MMEL1: variants seen among roughly 807,000 people sequenced by gnomAD.
MMEL1 encodes the protein membrane metallo-endopeptidase-like 1.
MMEL1 carries 98 observed loss-of-function variants against 117.1 expected under a neutral mutation model. The observed-to-expected ratio is 0.84, with a 90% CI of 0.71 to 0.99. The LOEUF (loss-of-function observed/expected upper bound fraction) is 0.99, where lower values mean the gene tolerates loss of function less well. Ranked by LOEUF, MMEL1 falls within the 50% of genes least tolerant of loss-of-function variation. The pLI is 0.00. For synonymous variants in MMEL1, 390 were observed against 415.1 expected (o/e 0.94, Z 0.74); for missense variants, 1,014 against 1,049.1 (o/e 0.97, Z 0.46).
At chr1:2,598,518 T>C (rs921179191) in intron 12 of MMEL1, 136 bp downstream of exon 12, 30 of 1,424,856 alleles carry the variant, frequency 2.1e-5, no homozygotes, top group Non-Finnish European at 2.7e-5. Context: ...CCACTAAAGC[T>C]TAACCCCTCA....
At chr1:2,594,967 G>T in intron 16 of MMEL1, 74 bp from the exon 17 acceptor site, 2 of 1,290,520 alleles carry the variant, frequency 1.5e-6, no homozygotes, top group Non-Finnish European at 2.2e-6. Flanking sequence ...GGTCCTGGGT[G>T]GTTGGGGAAG....
At position 2,591,798 on chromosome 1, in the gene MMEL1, C is replaced by T. The variant is rs1644719096; in HGVS notation, c.2163+134G>A. 3 of 1,082,228 alleles carry T rather than the reference C, an allele frequency of 2.8e-6. No homozygotes were observed. The East Asian group carries it at 7.1e-5, about 26-fold the overall frequency. 67.0% of individuals were successfully genotyped at this position (1,082,228 alleles called of 1,614,324 possible). On this transcript the variant is annotated intron_variant, in intron 22 of 23. Coordinates refer to ENST00000378412, the MANE Select transcript of MMEL1 (RefSeq NM_033467.4). ...GCATTGAAATCCTGTCCAGCTCCCG[C>T]CCCCTGCCCCTCATGCTTTTCCCCC...
chr1:2,607,076 A>C lies in MMEL1; in HGVS notation c.536-7T>G. On this transcript the variant is annotated splice_region_variant and splice_polypyrimidine_tract_variant and intron_variant, in intron 6 of 23. Transcript: ENST00000378412. ...CCTCGCTTCTCTATCACACCTGAGA[A>C]GGGACGCAGTGGTCACTCTCCCAGC... 1.2e-6 allele frequency: 2 copies of C among 1,610,748 alleles called. No homozygotes were observed. The highest frequency in any genetic ancestry group is 1.7e-6 in the Non-Finnish European group (2 of 1,178,400).
intron 2 of MMEL1, among the ~76,000 whole-genome samples, chr1:2,626,318 C>T (rs1027434031): frequency 1.8e-4 from 27 of 152,160 alleles, no homozygotes; most frequent in Non-Finnish European, 3.7e-4. Flanking sequence ...TCTGATAATG[C>T]CTCCTCATGA....
At chr1:2,602,917 G>A (rs937429917) in intron 11 of MMEL1, among the ~76,000 whole-genome samples, 14 of 152,048 alleles carry the variant, frequency 9.2e-5, no homozygotes, top group Non-Finnish European at 1.6e-4. Flanking sequence ...AGGTCACTCC[G>A]CTTTTCTGTC....
chr1:2,593,262 C>T (rs1347019977), intron 19 of MMEL1, among the ~76,000 whole-genome samples: 2 of 152,200 alleles, frequency 1.3e-5, no homozygotes, highest in Non-Finnish European at 2.9e-5. Flanking sequence ...TTTAAGGGCT[C>T]CTCCTGGGAT....
At position 2,595,962 on chromosome 1, in the gene MMEL1, G is replaced by A. The variant is rs370742972; in HGVS notation, c.1500+47C>T. 7.4e-5 allele frequency: 113 copies of A among 1,522,836 alleles called. 2 individuals carry two copies. The highest frequency in any genetic ancestry group is 3.3e-4 in the African/African-American group (24 of 73,184). The allele number at this position is 1,522,836 out of a possible 1,614,324, so 94.3% of individuals were successfully genotyped here. A position where few individuals can be genotyped will look rare whatever the true frequency, so the allele number is the denominator to read the frequency against. ...AGGCTTTGTCGGGGCGGTGCTGCCC[G>A]TGCCCAGATCCAGTCGGGGCTGCCC... is the stretch of plus-strand genomic sequence containing the variant. On this transcript the variant is annotated intron_variant, in intron 15 of 23. Coordinates refer to ENST00000378412, the MANE Select transcript of MMEL1 (RefSeq NM_033467.4). The surrounding 1 kb of genome is among the most constrained non-coding windows in gnomAD (Gnocchi z 4.8).
chr1:2,609,725 G>A lies in MMEL1; in HGVS notation c.399C>T (p.Asn133=). 2 of 1,613,798 alleles carry A rather than the reference G, an allele frequency of 1.2e-6. No individual in the cohort carries two copies. Among genetic ancestry groups the A allele is most frequent in the Non-Finnish European group, 1.7e-6 (2 of 1,180,000 alleles). ...GGACGTCAAAGATGCTGTATCTTGAGTTGGTCTCAGGGATCACGTGGCGCC... is the reference window on the plus strand; with the variant it reads ...GGACGTCAAAGATGCTGTATCTTGAATTGGTCTCAGGGATCACGTGGCGCC... ...WLRRHVIPET[N]SRYSIFDVLR... The change falls in exon 5 of 24, where the codon AAC becomes AAT. Residue 133 remains asparagine (N), a synonymous_variant. Transcript: ENST00000378412.
chr1:2,593,045 C>A, intron 19 of MMEL1, 79 bp from the exon 20 acceptor site: 1 of 1,545,556 alleles, frequency 6.5e-7, no homozygotes. Context: ...CTGTGCCTGG[C>A]CGCTCCTGCC....
rs950424455 is a variant in MMEL1 at position 2,590,855 on chromosome 1, C to T, written c.*135G>A. 1.6e-5 allele frequency: 10 copies of T among 631,516 alleles called. No homozygotes were observed. The highest frequency in any genetic ancestry group is 3.5e-5 in the South Asian group (1 of 28,648). 39.1% of individuals were successfully genotyped at this position (631,516 alleles called of 1,614,324 possible). On this transcript the variant is annotated 3_prime_UTR_variant, in exon 24 of 24. Coordinates refer to ENST00000378412, the MANE Select transcript of MMEL1 (RefSeq NM_033467.4). ...GCAGGTGGCTGCACCCTAGGCCAGG[C>T]GCAGAGGCCTGGCAGGCAGGCTTGG...
rs532444987 is a variant in MMEL1, at chr1:2,632,935, T to C, written c.-107A>G. ...GAGACTGGGTCCCAGTGGGTTGGAG[T>C]TGGGGTGAGCTGGGCCAAGTGGGTG... On this transcript the variant is annotated 5_prime_UTR_variant, in exon 1 of 24. Transcript: ENST00000378412. 2.0e-6 allele frequency: 2 copies of C among 985,068 alleles called. No individual in the cohort carries two copies. Among genetic ancestry groups the C allele is most frequent in the African/African-American group, 1.8e-5 (1 of 57,000 alleles). 61.0% of individuals were successfully genotyped at this position (985,068 alleles called of 1,614,324 possible).
chr1:2,606,622 C>T (rs139366731), intron 7 of MMEL1, among the ~76,000 whole-genome samples: 6 of 152,284 alleles, frequency 3.9e-5, no homozygotes, highest in African/African-American at 1.4e-4. Flanking sequence ...TGAGGTGCCA[C>T]TCCTGCCCCC....
intron 2 of MMEL1, among the ~76,000 whole-genome samples, chr1:2,616,439 C>T (rs538089665): frequency 1.1e-4 from 16 of 151,296 alleles, no homozygotes; most frequent in Non-Finnish European, 2.1e-4. Context: ...AGAATGAAGG[C>T]CAGAAGATGA....
chr1:2,609,635 G>C (rs376926234), intron 5 of MMEL1, 35 bp downstream of exon 5: 1 of 1,587,054 alleles, frequency 6.3e-7, no homozygotes, highest in Non-Finnish European at 8.6e-7. Context: ...CCTGTTCGGC[G>C]TCACCCCACT....
chr1:2,595,216 G>A lies in MMEL1; in HGVS notation c.1584+60C>T. ...GAGCTTGGCACAGAGGAGCCCCCAG[G>A]CAATCAGGGCCCATGTCCACGGTGT... is the stretch of plus-strand genomic sequence containing the variant. On this transcript the variant is annotated intron_variant, in intron 16 of 23. Coordinates refer to ENST00000378412, the MANE Select transcript of MMEL1 (RefSeq NM_033467.4). This position sits in a 1 kb window ranked among gnomAD's most constrained non-coding sequence, Gnocchi z 4.8. The A allele has an allele frequency of 3.4e-6, 5 of 1,470,894 alleles. No homozygotes were observed. The highest frequency in any genetic ancestry group is 4.7e-6 in the Non-Finnish European group (5 of 1,058,088). The allele number at this position is 1,470,894 out of a possible 1,614,324, so 91.1% of individuals were successfully genotyped here. A position where few individuals can be genotyped will look rare whatever the true frequency, so the allele number is the denominator to read the frequency against.
Position 2,594,862 on chromosome 1 carries a change from T to G in MMEL1, c.1616A>C (p.Asn539Thr). ...LNFSEDLYFE[N>T]SLQNLKVGAQ... ...GCCCACCTTGAGGTTCTGCAGACTG[T>G]TCTCAAAGTACAGGTCCTCTGAGAA... The change falls in exon 17 of 24, where the codon AAC becomes ACC. Residue 539 changes from asparagine to threonine, a missense_variant. Coordinates refer to ENST00000378412, the MANE Select transcript of MMEL1 (RefSeq NM_033467.4). The G allele has an allele frequency of 6.2e-7, 1 of 1,613,924 alleles. No homozygotes were observed. The highest frequency in any genetic ancestry group is 2.2e-5 in the East Asian group (1 of 44,884).
At chr1:2,615,121 T>C (rs575272119) in intron 2 of MMEL1, among the ~76,000 whole-genome samples, 1 of 152,266 alleles carries the variant, frequency 6.6e-6, no homozygotes, top group Admixed American at 6.5e-5. Context: ...TGCCAAATAC[T>C]TTAGGTAGAT....
chr1:2,616,065 G>A (rs1271966832), intron 2 of MMEL1, among the ~76,000 whole-genome samples: 2 of 152,198 alleles, frequency 1.3e-5, no homozygotes, highest in Non-Finnish European at 2.9e-5. Flanking sequence ...GGCTGGGCAT[G>A]GTGGCTCATG....
intron 8 of MMEL1, 56 bp from the exon 9 acceptor site, chr1:2,605,679 G>C: frequency 6.0e-6 from 8 of 1,338,796 alleles, no homozygotes; most frequent in East Asian, 2.3e-5. Flanking sequence ...CCGCAGCCTG[G>C]CTGAGGCAGG....
Sources: allele counts gnomAD v4.1 joint callset (sites outside exome capture counted in the v4.1 genomes callset), GRCh38; gene constraint gnomAD v4.1.1; non-coding constraint Gnocchi (gnomAD v3.1); transcripts MANE v1.5; gene names NCBI Gene and HGNC (gene_info 2026-07-23, HGNC 2026-07-21).